The following DDR2 variants were observed in gnomAD, a reference collection of about 807,000 sequenced individuals.
The protein encoded by DDR2 is discoidin domain-containing receptor 2.
A neutral mutation model predicts 94.9 loss-of-function variants in DDR2; 27 were observed. That is an observed-to-expected ratio of 0.28 (90% CI 0.21 to 0.39). The LOEUF (loss-of-function observed/expected upper bound fraction) is 0.39, where lower values mean the gene tolerates loss of function less well. Ranked by LOEUF, DDR2 falls within the 10% of genes least tolerant of loss-of-function variation. The pLI, the probability that DDR2 is intolerant of heterozygous loss-of-function variation, is 1.00. For missense variants in DDR2, 783 were observed against 1,076.0 expected (o/e 0.73, Z 3.81); for synonymous variants, 382 against 377.2 (o/e 1.01, Z -0.15).
chr1:162,770,179 T>C, intron 11 of DDR2, 123 bp from the exon 12 acceptor site: 1 of 948,844 alleles, frequency 1.1e-6, no homozygotes. Context: ...ACGTGCAGTG[T>C]TGCTGGGGTT....
chr1:162,680,406 C>T (rs1368509434), intron 2 of DDR2, among the ~76,000 whole-genome samples: 2 of 152,092 alleles, frequency 1.3e-5, no homozygotes, highest in Admixed American at 1.3e-4. Context: ...TTTCCTAGTG[C>T]TTGGTTTTGT....
At chr1:162,763,920 T>G (rs1317172578) in intron 9 of DDR2, among the ~76,000 whole-genome samples, 1 of 152,240 alleles carries the variant, frequency 6.6e-6, no homozygotes, top group Non-Finnish European at 1.5e-5. Context: ...ATTTTCTTCA[T>G]CCTATTATTC....
intron 9 of DDR2, among the ~76,000 whole-genome samples, chr1:162,762,816 G>A (rs1406584074): frequency 2.6e-5 from 4 of 151,686 alleles, no homozygotes; most frequent in Non-Finnish European, 2.9e-5. Flanking sequence ...ATGCTTAATC[G>A]ATTGCAGTTA....
chr1:162,655,766 ATT>A (rs2101909705), intron 2 of DDR2, among the ~76,000 whole-genome samples: 1 of 152,202 alleles, frequency 6.6e-6, no homozygotes, highest in South Asian at 2.1e-4. Context: ...TAATATTACA[ATT>A]TGTTTTTATT....
At chr1:162,642,585 T>C (rs1405442098) in intron 1 of DDR2, among the ~76,000 whole-genome samples, 2 of 152,072 alleles carry the variant, frequency 1.3e-5, no homozygotes, top group Non-Finnish European at 2.9e-5. Flanking sequence ...CCACCGTGCC[T>C]GGCCTGTTTT....
chr1:162,634,427 G>C (rs1169346336), intron 1 of DDR2, among the ~76,000 whole-genome samples: 1 of 152,214 alleles, frequency 6.6e-6, no homozygotes, highest in Non-Finnish European at 1.5e-5. Flanking sequence ...CATGCTGAAG[G>C]CTATCAAGGG....
chr1:162,751,698 G>A (rs1663204070), intron 3 of DDR2, among the ~76,000 whole-genome samples: 7 of 152,200 alleles, frequency 4.6e-5, no homozygotes, highest in Admixed American at 4.6e-4. Flanking sequence ...ACATGCACAT[G>A]TATGTTTATT....
chr1:162,637,812 A>T (rs1284492627), intron 1 of DDR2, among the ~76,000 whole-genome samples: 1 of 152,210 alleles, frequency 6.6e-6, no homozygotes. Flanking sequence ...AATGAAATGA[A>T]GGATCCAGAA....
rs1647971011 is a variant in DDR2 at position 162,782,718 on chromosome 1, C to T, written c.*2472C>T. ...TCTTTTTTATGATTCTGCACCAGTT[C>T]ACTGGGTTATTCTATGATTCCATAT... On this transcript the variant is annotated 3_prime_UTR_variant, in exon 18 of 18. Coordinates refer to ENST00000367921, the MANE Select transcript of DDR2 (RefSeq NM_006182.4). 1 of 152,052 alleles carries T rather than the reference C, an allele frequency of 6.6e-6. No individual in the cohort carries two copies. The highest frequency in any genetic ancestry group is 2.4e-5 in the African/African-American group (1 of 41,386). 9.4% of individuals were successfully genotyped at this position (152,052 alleles called of 1,614,324 possible). A position where few individuals can be genotyped will look rare whatever the true frequency, so the allele number is the denominator to read the frequency against.
At chr1:162,698,236 A>G (rs1277776314) in intron 2 of DDR2, among the ~76,000 whole-genome samples, 1 of 152,204 alleles carries the variant, frequency 6.6e-6, no homozygotes, top group African/African-American at 2.4e-5. Flanking sequence ...TCTGTGGGAT[A>G]CTGCGTCCAA....
chr1:162,768,996 A>T (rs1341669016), intron 11 of DDR2, among the ~76,000 whole-genome samples: 1 of 152,166 alleles, frequency 6.6e-6, no homozygotes, highest in Non-Finnish European at 1.5e-5. Flanking sequence ...CTTGAAGAGG[A>T]TATGTGACCT....
intron 2 of DDR2, among the ~76,000 whole-genome samples, chr1:162,673,909 C>T (rs1191891429): frequency 6.6e-6 from 1 of 152,034 alleles, no homozygotes; most frequent in Non-Finnish European, 1.5e-5. Context: ...TAGTAAGGGT[C>T]CTGGCCCCTT....
At chr1:162,767,074 T>C (rs1240826166) in intron 10 of DDR2, among the ~76,000 whole-genome samples, 155 bp from the exon 11 acceptor site, 11 of 104,234 alleles carry the variant, frequency 1.1e-4, no homozygotes, top group Admixed American at 1.9e-4. Context: ...AACAAAACAG[T>C]AGCAAGAGCA....
At chr1:162,739,846 G>C (rs1007110003) in intron 3 of DDR2, among the ~76,000 whole-genome samples, 12 of 151,958 alleles carry the variant, frequency 7.9e-5, no homozygotes, top group African/African-American at 2.9e-4. Flanking sequence ...TGGGATATGG[G>C]AATATTTTTA....
chr1:162,772,648 A>G (rs1647286307), intron 13 of DDR2, among the ~76,000 whole-genome samples: 1 of 152,198 alleles, frequency 6.6e-6, no homozygotes, highest in Non-Finnish European at 1.5e-5. Context: ...AGTTATATGT[A>G]AAATGGTCAA....
chr1:162,772,645 T>C lies in DDR2; in HGVS notation c.1728+398T>C, dbSNP rs79918451. Among the ~76,000 whole-genome samples, 2,754 of 152,294 alleles carry C rather than the reference T, an allele frequency of 0.018. 210 individuals are homozygous for C. In the East Asian group the frequency reaches 0.25, roughly 14 times the overall value. On this transcript the variant is annotated intron_variant, in intron 13 of 17. Transcript: ENST00000367921. ...TTTTTCCCCTTTAATGGGAGTTATATGTAAAATGGTCAAAAACAACCTCGC... is the reference window on the plus strand; with the variant it reads ...TTTTTCCCCTTTAATGGGAGTTATACGTAAAATGGTCAAAAACAACCTCGC...
In DDR2 at chr1:162,770,370, C is replaced by T. The variant is rs777254865; in HGVS notation, c.1362C>T (p.Phe454=). 1 of 1,614,062 alleles carries T rather than the reference C, an allele frequency of 6.2e-7. No individual in the cohort carries two copies. The highest frequency in any genetic ancestry group is 8.5e-7 in the Non-Finnish European group (1 of 1,180,016). The change falls in exon 12 of 18, where the codon TTC becomes TTT. Residue 454 remains phenylalanine (F), a synonymous_variant. Coordinates refer to ENST00000367921, the MANE Select transcript of DDR2 (RefSeq NM_006182.4). Reference sequence around the variant, plus strand: ...CCCTGCCAAGTGATTCTAGCATGTTCAACAATAACCGCTCCTCATCACCTA... The same window carrying T: ...CCCTGCCAAGTGATTCTAGCATGTTTAACAATAACCGCTCCTCATCACCTA... ...SLSLPSDSSM[F]NNNRSSSPSE...
At chr1:162,681,102 G>A (rs888915799) in intron 2 of DDR2, among the ~76,000 whole-genome samples, 52 of 152,120 alleles carry the variant, frequency 3.4e-4, no homozygotes, top group African/African-American at 1.2e-3. Context: ...CCTTTTGCTG[G>A]ATGACCTTGA....
intron 3 of DDR2, among the ~76,000 whole-genome samples, chr1:162,751,656 C>T (rs1000107139): frequency 2.0e-5 from 3 of 152,092 alleles, no homozygotes; most frequent in African/African-American, 7.2e-5. Flanking sequence ...GGTATACACC[C>T]AAAGGATTAT....
Sources: gnomAD v4.1 joint callset for allele counts (sites outside exome capture counted in the v4.1 genomes callset) on GRCh38, gnomAD v4.1.1 for gene constraint, MANE v1.5 for transcripts, NCBI Gene and HGNC (gene_info 2026-07-23, HGNC 2026-07-21) for gene names.